RBM46: variants seen among roughly 807,000 people sequenced by gnomAD.
The protein encoded by RBM46 is RNA binding motif protein 46, also known as probable RNA-binding protein 46.
Under a neutral mutation model 43.3 loss-of-function variants are expected in RBM46, and 12 were observed. The observed-to-expected ratio is 0.28, with a 90% confidence interval of 0.18 to 0.45. RBM46 has a LOEUF of 0.45. Ranked by LOEUF, RBM46 falls within the 20% of genes least tolerant of loss-of-function variation. RBM46 has a pLI of 1.00. For missense variants in RBM46, 412 were observed against 639.1 expected (o/e 0.64, Z 3.83); for synonymous variants, 205 against 207.6 (o/e 0.99, Z 0.11).
Position 154,799,312 on chromosome 4 carries a change from T to C in RBM46, c.1150T>C (p.Tyr384His). 6.2e-7 allele frequency: 1 copy of C among 1,614,232 alleles called. No homozygotes were observed. ...PGTKLTPISM[Y>H]SLKSNHFNSA... ...AACAAAGCTTACTCCAATTAGTATG[T>C]ATTCTTTAAAATCCAATCATTTTAA... is the stretch of plus-strand genomic sequence containing the variant. The change falls in exon 4 of 5, where the codon TAT becomes CAT. Residue 384 changes from tyrosine (Y) to histidine (H), a missense_variant. Physicochemically the swap from Tyr to His is moderately conservative, Grantham distance 83. Transcript: ENST00000281722.
intron 4 of RBM46, among the ~76,000 whole-genome samples, chr4:154,804,577 A>G (rs1226457557): frequency 6.6e-6 from 1 of 152,182 alleles, no homozygotes; most frequent in Non-Finnish European, 1.5e-5. Flanking sequence ...GGAAAGAGGA[A>G]GGTAGTCTTA....
In RBM46 at chr4:154,828,624, TTTTG is replaced by T. The variant is rs1736074332; in HGVS notation, c.*560_*563del. 6.6e-6 allele frequency: 1 copy of T among 152,642 alleles called. No individual in the cohort carries two copies. The highest frequency in any genetic ancestry group is 1.5e-5 in the Non-Finnish European group (1 of 68,058). 9.5% of individuals were successfully genotyped at this position (152,642 alleles called of 1,614,324 possible). Reference sequence around the variant, plus strand: ...GGTCCTTGAAAATAACTATAGATATTTTTGTTATTTGTTAGACACAAATTATAAT... The same window carrying T: ...GGTCCTTGAAAATAACTATAGATATTTTATTTGTTAGACACAAATTATAAT... On this transcript the variant is annotated 3_prime_UTR_variant, in exon 5 of 5. Transcript: ENST00000281722.
intron 4 of RBM46, chr4:154,827,585 T>G (rs1241934528): frequency 8.7e-7 from 1 of 1,149,188 alleles, no homozygotes; most frequent in African/African-American, 1.6e-5. Flanking sequence ...CGTTCTCTTT[T>G]TCTATAATCA....
intron 4 of RBM46, among the ~76,000 whole-genome samples, chr4:154,801,912 G>T (rs1734657845): frequency 6.6e-6 from 1 of 152,148 alleles, no homozygotes; most frequent in Non-Finnish European, 1.5e-5. Flanking sequence ...ATCAGTAAAT[G>T]AAATCCTTAG....
chr4:154,811,208 T>G (rs1269050920), intron 4 of RBM46, among the ~76,000 whole-genome samples: 1 of 152,114 alleles, frequency 6.6e-6, no homozygotes, highest in Non-Finnish European at 1.5e-5. Flanking sequence ...ACATTGCACT[T>G]TAGAAAGAAT....
chr4:154,818,858 G>C (rs1735591435), intron 4 of RBM46, among the ~76,000 whole-genome samples: 1 of 152,040 alleles, frequency 6.6e-6, no homozygotes, highest in Admixed American at 6.6e-5. Context: ...TTTATCCTAA[G>C]AACCATTCAT....
In RBM46 at chr4:154,799,427, G is replaced by A. The variant is rs1734509376; in HGVS notation, c.1265G>A (p.Gly422Glu). Reference protein sequence around the residue: ...YYLYSTTSQDGKVLLVYKIVI... With the variant: ...YYLYSTTSQDEKVLLVYKIVI... ...TTATATTCAACAACAAGTCAAGATGGGAAAGTACTCTTGGTGTATAAGATA... is the reference window on the plus strand; with the variant it reads ...TTATATTCAACAACAAGTCAAGATGAGAAAGTACTCTTGGTGTATAAGATA... Residue 422 changes from glycine to glutamate, a missense_variant, in exon 4 of 5, where the codon GGG becomes GAG. By Grantham distance (98) the Gly-to-Glu change is moderately conservative (BLOSUM62 -2). Transcript: ENST00000281722. 6.2e-7 allele frequency: 1 copy of A among 1,614,002 alleles called. No homozygotes were observed. Among genetic ancestry groups the A allele is most frequent in the African/African-American group, 1.3e-5 (1 of 75,020 alleles).
At position 154,828,095 on chromosome 4, in the gene RBM46, T is replaced by C. The variant is rs771248040; in HGVS notation, c.*28T>C. On this transcript the variant is annotated 3_prime_UTR_variant, in exon 5 of 5. Transcript: ENST00000281722. ...AAAATACTAACATTAGTATGAAAATTTGTGTAAATTTGTAGTATGAAAACT... is the reference window on the plus strand; with the variant it reads ...AAAATACTAACATTAGTATGAAAATCTGTGTAAATTTGTAGTATGAAAACT... 71 of 1,466,246 alleles carry C rather than the reference T, an allele frequency of 4.8e-5. No individual in the cohort carries two copies. Among genetic ancestry groups the C allele is most frequent in the Non-Finnish European group, 6.5e-5 (68 of 1,046,760 alleles). 90.8% of individuals were successfully genotyped at this position (1,466,246 alleles called of 1,614,324 possible).
intron 4 of RBM46, among the ~76,000 whole-genome samples, chr4:154,818,632 T>A (rs1401240163): frequency 3.9e-5 from 6 of 152,214 alleles, no homozygotes; most frequent in Non-Finnish European, 8.8e-5. Context: ...ATTAATGTAT[T>A]AGTAAGTTCT....
chr4:154,821,510 C>CA (rs1735722267), intron 4 of RBM46, among the ~76,000 whole-genome samples: 1 of 151,466 alleles, frequency 6.6e-6, no homozygotes, highest in Non-Finnish European at 1.5e-5. Context: ...GAAAGTAGCA[C>CA]CAAAAGGAGT....
intron 1 of RBM46, chr4:154,787,426 A>G (rs1203866542): frequency 6.7e-6 from 1 of 148,764 alleles, no homozygotes; most frequent in Non-Finnish European, 1.5e-5. Flanking sequence ...GAGTGAGAAC[A>G]TGCAGTGTTT....
chr4:154,807,529 G>A (rs550133215), intron 4 of RBM46, among the ~76,000 whole-genome samples: 6 of 151,900 alleles, frequency 3.9e-5, no homozygotes, highest in East Asian at 1.9e-4. Context: ...TCACTATGGC[G>A]AATTTATTTT....
At chr4:154,787,992 G>A (rs1008237562) in intron 1 of RBM46, among the ~76,000 whole-genome samples, 1 of 152,188 alleles carries the variant, frequency 6.6e-6, no homozygotes, top group Non-Finnish European at 1.5e-5. Flanking sequence ...CTTTTGAGAA[G>A]TGTCTGTTCA....
rs190339743 is a variant in RBM46 at position 154,826,095 on chromosome 4, G to A, written c.1403-1773G>A. 1.4e-4 allele frequency among the ~76,000 whole-genome samples: 21 copies of A among 151,148 alleles called. No individual in the cohort carries two copies. In the East Asian group the frequency reaches 4.1e-3, roughly 29 times the overall value. On this transcript the variant is annotated intron_variant, in intron 4 of 4. Coordinates refer to ENST00000281722, the MANE Select transcript of RBM46 (RefSeq NM_144979.5). Reference sequence around the variant, plus strand: ...AGTTACTTGGGAATACATGGAGCCGGTAATGGTCCCGTTTATACTCAATAC... The same window carrying A: ...AGTTACTTGGGAATACATGGAGCCGATAATGGTCCCGTTTATACTCAATAC...
At position 154,828,227 on chromosome 4, in the gene RBM46, G is replaced by A; in HGVS notation, c.*160G>A. On this transcript the variant is annotated 3_prime_UTR_variant, in exon 5 of 5. Coordinates refer to ENST00000281722, the MANE Select transcript of RBM46 (RefSeq NM_144979.5). Reference sequence around the variant, plus strand: ...ATCAGCTATAATTCAGAATAACATGGAGTTGTAGAATTTATAAAAATGCAA... The same window carrying A: ...ATCAGCTATAATTCAGAATAACATGAAGTTGTAGAATTTATAAAAATGCAA... The A allele has an allele frequency of 1.6e-6, 1 of 613,128 alleles. No homozygotes were observed. Among genetic ancestry groups the A allele is most frequent in the Non-Finnish European group, 2.8e-6 (1 of 350,890 alleles). 38.0% of individuals were successfully genotyped at this position (613,128 alleles called of 1,614,324 possible). A position where few individuals can be genotyped will look rare whatever the true frequency, so the allele number is the denominator to read the frequency against.
chr4:154,786,363 A>G (rs1015269441), intron 1 of RBM46, among the ~76,000 whole-genome samples: 1 of 152,130 alleles, frequency 6.6e-6, no homozygotes, highest in African/African-American at 2.4e-5. Flanking sequence ...TGCTGGGATT[A>G]CAGGCGTGAG....
At chr4:154,818,726 T>C (rs185399724) in intron 4 of RBM46, among the ~76,000 whole-genome samples, 2 of 152,298 alleles carry the variant, frequency 1.3e-5, no homozygotes, top group East Asian at 1.9e-4. Flanking sequence ...TAAACCTTTT[T>C]ACTGTAACCT....
intron 4 of RBM46, among the ~76,000 whole-genome samples, chr4:154,826,190 G>T (rs1400881544): frequency 3.3e-5 from 5 of 151,764 alleles, no homozygotes; most frequent in African/African-American, 1.2e-4. Flanking sequence ...AGGCACGTTG[G>T]CTCACACCTG....
intron 4 of RBM46, among the ~76,000 whole-genome samples, chr4:154,821,852 G>A (rs987308716): frequency 2.0e-5 from 3 of 151,766 alleles, no homozygotes; most frequent in African/African-American, 7.2e-5. Context: ...GGGAAAAACT[G>A]TATACTAAAT....
Sources: gnomAD v4.1 joint callset for allele counts (sites outside exome capture counted in the v4.1 genomes callset) on GRCh38, gnomAD v4.1.1 for gene constraint, MANE v1.5 for transcripts, NCBI Gene and HGNC (gene_info 2026-07-23, HGNC 2026-07-21) for gene names.